Variants in PLCL1 observed in about 807,000 individuals in gnomAD.
PLCL1 encodes phospholipase C like 1 (inactive).
PLCL1 carries 41 observed loss-of-function variants against 84.4 expected under a neutral mutation model. The ratio of observed to expected loss-of-function variants is 0.49; its 90% confidence interval spans 0.38 to 0.63. The LOEUF (loss-of-function observed/expected upper bound fraction) is 0.63, where lower values mean the gene tolerates loss of function less well. PLCL1 is among the 30% of genes least tolerant of loss of function. The pLI is 0.00. For missense variants in PLCL1, 1,206 were observed against 1,367.8 expected (o/e 0.88, Z 1.87); for synonymous variants, 490 against 488.3 (o/e 1.00, Z -0.05).
chr2:198,065,444 A>G (rs1692303059), intron 1 of PLCL1, among the ~76,000 whole-genome samples: 1 of 152,152 alleles, frequency 6.6e-6, no homozygotes, highest in South Asian at 2.1e-4. Flanking sequence ...ATCATGGTAA[A>G]TTTTTGTTTT....
chr2:198,086,839 TAG>T lies in PLCL1; in HGVS notation c.2715+609_2715+610del, dbSNP rs1300109734. Among the ~76,000 whole-genome samples, 3 of 152,130 alleles carry T rather than the reference TAG, an allele frequency of 2.0e-5. No individual in the cohort carries two copies. In the East Asian group the frequency reaches 5.8e-4, roughly 29 times the overall value. On this transcript the variant is annotated intron_variant, in intron 2 of 5. Transcript: ENST00000428675. The stretch of plus-strand genomic sequence containing the variant: ...TGCATCTGAAACAATGGGAACCAAG[TAG>T]AATATACAATATATGTGTGTAATAC...
chr2:197,999,124 T>G (rs1172434548), intron 1 of PLCL1, among the ~76,000 whole-genome samples: 3 of 152,156 alleles, frequency 2.0e-5, no homozygotes, highest in African/African-American at 7.2e-5. Context: ...CAGCTATTTC[T>G]TCCCATTGGT....
intron 1 of PLCL1, among the ~76,000 whole-genome samples, 185 bp from the exon 2 acceptor site, chr2:198,083,573 A>T (rs1692776263): frequency 6.6e-6 from 1 of 152,204 alleles, no homozygotes; most frequent in Non-Finnish European, 1.5e-5. Context: ...TTTTTGCCTG[A>T]ATCCTGTAAT....
At chr2:198,145,125 G>GTTA (rs1694487840) in intron 5 of PLCL1, among the ~76,000 whole-genome samples, 1 of 152,062 alleles carries the variant, frequency 6.6e-6, no homozygotes, top group Non-Finnish European at 1.5e-5. Flanking sequence ...ATGTTGGTCT[G>GTTA]TTATTATTAT....
Position 197,841,254 on chromosome 2 carries a change from G to A in PLCL1, c.240+35915G>A, listed in dbSNP as rs116522048. On this transcript the variant is annotated intron_variant, in intron 1 of 5. Coordinates refer to ENST00000428675, the MANE Select transcript of PLCL1 (RefSeq NM_006226.4). ...GTAGAGATTCATAGTTTAAATCAGG[G>A]TTCACCCTTTGTGTTGTCCATTCTG... is the stretch of plus-strand genomic sequence containing the variant. Among the ~76,000 whole-genome samples the A allele has an allele frequency of 2.0e-3, 302 of 152,054 alleles. 1 individual carries two copies. Among genetic ancestry groups the A allele is most frequent in the African/African-American group, 6.9e-3 (288 of 41,476 alleles).
intron 1 of PLCL1, among the ~76,000 whole-genome samples, chr2:197,862,760 T>A (rs1467694210): frequency 3.3e-5 from 5 of 152,152 alleles, no homozygotes; most frequent in Non-Finnish European, 1.5e-5. Context: ...CTTGATCTGG[T>A]GTGAGTCATG....
intron 1 of PLCL1, among the ~76,000 whole-genome samples, chr2:197,881,391 G>C (rs1369511): frequency 0.52 from 78,225 of 151,886 alleles, 21,054 homozygotes; most frequent in African/African-American, 0.66. Context: ...GTTTGTGAAA[G>C]AGCCCATGGT....
At chr2:198,007,455 A>G (rs772270765) in intron 1 of PLCL1, among the ~76,000 whole-genome samples, 1 of 152,184 alleles carries the variant, frequency 6.6e-6, no homozygotes, top group Non-Finnish European at 1.5e-5. Context: ...CTCAACAGGG[A>G]CCATGAAGAC....
At chr2:198,021,760 C>G (rs1691139289) in intron 1 of PLCL1, among the ~76,000 whole-genome samples, 1 of 151,966 alleles carries the variant, frequency 6.6e-6, no homozygotes, top group African/African-American at 2.4e-5. Context: ...TAATAGCCTA[C>G]CAACCAAAAA....
chr2:198,032,344 A>C (rs79744691), intron 1 of PLCL1, among the ~76,000 whole-genome samples: 1 of 151,972 alleles, frequency 6.6e-6, no homozygotes, highest in Non-Finnish European at 1.5e-5. Context: ...TAAAAAAAAA[A>C]CTCCTTCCAA....
chr2:198,043,394 C>T (rs1691711214), intron 1 of PLCL1, among the ~76,000 whole-genome samples: 1 of 152,148 alleles, frequency 6.6e-6, no homozygotes, highest in Non-Finnish European at 1.5e-5. Flanking sequence ...TTGTAAACAG[C>T]TGTCTCTACT....
intron 1 of PLCL1, among the ~76,000 whole-genome samples, chr2:197,899,952 C>T (rs985652246): frequency 6.6e-6 from 1 of 152,122 alleles, no homozygotes; most frequent in Non-Finnish European, 1.5e-5. Flanking sequence ...GTTCTTTCTA[C>T]CAAGAATGTT....
chr2:197,897,637 T>G (rs1205671381), intron 1 of PLCL1, among the ~76,000 whole-genome samples: 1 of 152,242 alleles, frequency 6.6e-6, no homozygotes, highest in Admixed American at 6.5e-5. Context: ...ATGAACATTT[T>G]TAATGCTGTA....
At chr2:198,003,366 A>G (rs1289704997) in intron 1 of PLCL1, among the ~76,000 whole-genome samples, 5 of 152,326 alleles carry the variant, frequency 3.3e-5, no homozygotes, top group Admixed American at 3.3e-4. Flanking sequence ...AGATCTAAAC[A>G]GTTCTGCACT....
At chr2:198,120,168 G>A (rs1373096469) in intron 5 of PLCL1, among the ~76,000 whole-genome samples, 1 of 151,548 alleles carries the variant, frequency 6.6e-6, no homozygotes, top group Non-Finnish European at 1.5e-5. Flanking sequence ...ATTTTTCCTG[G>A]TCTACTCTTA....
intron 1 of PLCL1, among the ~76,000 whole-genome samples, chr2:197,984,153 T>G (rs1040088871): frequency 6.6e-6 from 1 of 152,244 alleles, no homozygotes; most frequent in African/African-American, 2.4e-5. Flanking sequence ...ACGGGTACTT[T>G]CCAATTTCTT....
intron 1 of PLCL1, among the ~76,000 whole-genome samples, chr2:197,964,996 G>A (rs1689699527): frequency 6.6e-6 from 1 of 151,756 alleles, no homozygotes; most frequent in Admixed American, 6.6e-5. Flanking sequence ...TTTTATTGAT[G>A]GTTTTATTGG....
intron 1 of PLCL1, among the ~76,000 whole-genome samples, chr2:198,030,394 C>G (rs1691382883): frequency 6.6e-6 from 1 of 152,000 alleles, no homozygotes. Context: ...ACTGTCACCC[C>G]AAAATTTCAG....
chr2:198,058,415 A>G (rs1430624053), intron 1 of PLCL1, among the ~76,000 whole-genome samples: 1 of 152,064 alleles, frequency 6.6e-6, no homozygotes, highest in African/African-American at 2.4e-5. Context: ...ATGAGTTTCG[A>G]TACATCAAAA....
Sources: gnomAD v4.1 joint callset for allele counts (sites outside exome capture counted in the v4.1 genomes callset) on GRCh38, gnomAD v4.1.1 for gene constraint, MANE v1.5 for transcripts, NCBI Gene and HGNC (gene_info 2026-07-23, HGNC 2026-07-21) for gene names.